DPYS: variants seen among roughly 807,000 people sequenced by gnomAD.
The protein encoded by DPYS is dihydropyrimidine amidohydrolase.
In DPYS, 39 loss-of-function variants were observed where a neutral mutation model predicts 50.3. The ratio of observed to expected loss-of-function variants is 0.78; its 90% CI spans 0.60 to 1.01. The LOEUF is 1.01. DPYS is among the 50% of genes least tolerant of loss of function. DPYS has a pLI of 0.00. For synonymous variants in DPYS, 245 were observed against 250.7 expected, an observed-to-expected ratio of 0.98 and a Z score of 0.22; for missense variants, 659 against 680.9, an observed-to-expected ratio of 0.97 and a Z score of 0.36.
At chr8:104,426,346 G>A (rs995745043) in intron 6 of DPYS, among the ~76,000 whole-genome samples, 1 of 152,126 alleles carries the variant, frequency 6.6e-6, no homozygotes, top group Non-Finnish European at 1.5e-5. Flanking sequence ...TAAAAGCATT[G>A]TCAGCTGTTC....
intron 8 of DPYS, among the ~76,000 whole-genome samples, chr8:104,388,331 T>C (rs1167394266): frequency 2.0e-5 from 3 of 152,074 alleles, no homozygotes; most frequent in Non-Finnish European, 4.4e-5. Context: ...TAAAATGCAA[T>C]GTGATCCTGA....
At chr8:104,435,224 C>T (rs371937323) in intron 4 of DPYS, among the ~76,000 whole-genome samples, 1 of 152,112 alleles carries the variant, frequency 6.6e-6, no homozygotes, top group African/African-American at 2.4e-5. Context: ...ATACATTCTT[C>T]GGACAAAAAC....
chr8:104,447,583 T>C, intron 2 of DPYS, 80 bp from the exon 3 acceptor site: 1 of 1,521,186 alleles, frequency 6.6e-7, no homozygotes. Context: ...AAACGTTGCA[T>C]TCGGAAGAGA....
At chr8:104,424,785 A>G (rs1812665863) in intron 6 of DPYS, among the ~76,000 whole-genome samples, 1 of 151,958 alleles carries the variant, frequency 6.6e-6, no homozygotes, top group Admixed American at 6.6e-5. Flanking sequence ...AATCATGTAG[A>G]CATTAGATAG....
chr8:104,383,601 G>A (rs1811124746), intron 8 of DPYS, among the ~76,000 whole-genome samples: 2 of 74,416 alleles, frequency 2.7e-5, no homozygotes, highest in Admixed American at 1.4e-4. Context: ...TCTCCAGGCT[G>A]TACTTTTTTT....
rs148786875 is a variant in DPYS, at chr8:104,379,602, C to T, written c.*256G>A. ...AAGCAAAGATGACATTTTAAAGTAT[C>T]ATCAATGAATTTCCACACAGCCTTT... On this transcript the variant is annotated 3_prime_UTR_variant, in exon 10 of 10. Coordinates refer to ENST00000351513, the MANE Select transcript of DPYS (RefSeq NM_001385.3). 1 of 184,876 alleles carries T rather than the reference C, an allele frequency of 5.4e-6. No individual in the cohort carries two copies. The highest frequency in any genetic ancestry group is 2.4e-5 in the African/African-American group (1 of 42,522). The allele number at this position is 184,876 out of a possible 1,614,324, so 11.5% of individuals were successfully genotyped here.
At chr8:104,391,702 G>A (rs964804208) in intron 8 of DPYS, among the ~76,000 whole-genome samples, 1 of 152,122 alleles carries the variant, frequency 6.6e-6, no homozygotes. Context: ...AGAGACAAAA[G>A]TGACATTTAT....
chr8:104,406,051 T>G (rs1377835244), intron 7 of DPYS, among the ~76,000 whole-genome samples: 1 of 152,052 alleles, frequency 6.6e-6, no homozygotes, highest in Non-Finnish European at 1.5e-5. Flanking sequence ...GTGAAGTAAC[T>G]CCCCCTGGGT....
intron 7 of DPYS, among the ~76,000 whole-genome samples, chr8:104,407,668 G>A (rs909343631): frequency 1.3e-5 from 2 of 152,162 alleles, no homozygotes; most frequent in Non-Finnish European, 2.9e-5. Flanking sequence ...AGAAAACAAC[G>A]TTTGCCATAT....
intron 4 of DPYS, among the ~76,000 whole-genome samples, chr8:104,440,715 C>T (rs777802580): frequency 3.6e-4 from 55 of 151,466 alleles, no homozygotes; most frequent in African/African-American, 4.6e-4. Flanking sequence ...GCCAAGATCG[C>T]GACACTGCAC....
chr8:104,456,854 G>A (rs1813944000), intron 1 of DPYS, among the ~76,000 whole-genome samples: 1 of 152,180 alleles, frequency 6.6e-6, no homozygotes, highest in African/African-American at 2.4e-5. Flanking sequence ...GCTTCCAGAA[G>A]AAATGCAGTG....
In DPYS at chr8:104,447,353, G is replaced by A. The variant is rs1435584205; in HGVS notation, c.574C>T (p.His192Tyr). The change falls in exon 3 of 10, where the codon CAT becomes TAT. Residue 192 changes from histidine (H) to tyrosine (Y), a missense_variant. His to Tyr is a moderately conservative substitution (Grantham distance 83). Transcript: ENST00000351513. ...CKEIGAIAQV[H>Y]AENGDLIAEG... ...GCAATTAAGTCTCCATTTTCCGCAT[G>A]GACCTGGGCAATTGCTCCAATTTCC... 1.9e-6 allele frequency: 3 copies of A among 1,613,944 alleles called. No individual in the cohort carries two copies. Among genetic ancestry groups the A allele is most frequent in the Non-Finnish European group, 2.5e-6 (3 of 1,180,024 alleles).
At chr8:104,407,647 A>T (rs961828194) in intron 7 of DPYS, among the ~76,000 whole-genome samples, 2 of 152,236 alleles carry the variant, frequency 1.3e-5, no homozygotes, top group African/African-American at 4.8e-5. Context: ...CAAATGAGGC[A>T]TGAGAGGAGA....
chr8:104,392,410 A>G (rs1811419085), intron 8 of DPYS, among the ~76,000 whole-genome samples: 1 of 152,082 alleles, frequency 6.6e-6, no homozygotes, highest in Admixed American at 6.5e-5. Context: ...GGGCTCTCCC[A>G]ATCTTTTCCA....
chr8:104,461,161 C>T (rs1261477912), intron 1 of DPYS, among the ~76,000 whole-genome samples: 2 of 149,978 alleles, frequency 1.3e-5, no homozygotes, highest in Admixed American at 6.6e-5. Flanking sequence ...GGCATGGTGG[C>T]GTGCACCTGC....
At position 104,461,868 on chromosome 8, in the gene DPYS, G is replaced by A. The variant is rs115916393; in HGVS notation, c.264+4789C>T. On this transcript the variant is annotated intron_variant, in intron 1 of 9. Coordinates refer to ENST00000351513, the MANE Select transcript of DPYS (RefSeq NM_001385.3). ...CATTCTCCAGTGGTATTTAAGGACA[G>A]GGGGAAATGTTTAATAAACAAGGCT... Among the ~76,000 whole-genome samples, 736 of 152,244 alleles carry A rather than the reference G, an allele frequency of 4.8e-3. 5 individuals carry two copies. The highest frequency in any genetic ancestry group is 0.017 in the African/African-American group (720 of 41,522).
Position 104,466,949 on chromosome 8 carries a change from C to T in DPYS, c.-29G>A, listed in dbSNP as rs1331313794. ...GAGGGGCGCGCGGGGTCCTACTCGG[C>T]CCGGGCTGCGCGCAGGGGCTGGGTT... is the stretch of plus-strand genomic sequence containing the variant. On this transcript the variant is annotated 5_prime_UTR_variant, in exon 1 of 10. Coordinates refer to ENST00000351513, the MANE Select transcript of DPYS (RefSeq NM_001385.3). 2 of 1,415,000 alleles carry T rather than the reference C, an allele frequency of 1.4e-6. No individual in the cohort carries two copies. Among genetic ancestry groups the T allele is most frequent in the Admixed American group, 5.9e-5 (2 of 33,818 alleles). The allele number at this position is 1,415,000 out of a possible 1,614,324, so 87.7% of individuals were successfully genotyped here. A position where few individuals can be genotyped will look rare whatever the true frequency, so the allele number is the denominator to read the frequency against.
At position 104,444,238 on chromosome 8, in the gene DPYS, C is replaced by T. The variant is rs200495434; in HGVS notation, c.793+10G>A. On this transcript the variant is annotated intron_variant, in intron 4 of 9. Transcript: ENST00000351513. The stretch of plus-strand genomic sequence containing the variant: ...ACTGAGTTCTAAGTGAGGTTACATT[C>T]GAGAATTACCATCTCTCCTTGCATC... 7.4e-6 allele frequency: 12 copies of T among 1,613,946 alleles called. No homozygotes were observed. The highest frequency in any genetic ancestry group is 3.3e-5 in the South Asian group (3 of 91,066).
intron 7 of DPYS, among the ~76,000 whole-genome samples, chr8:104,421,983 T>G (rs1001869876): frequency 2.0e-5 from 3 of 152,162 alleles, no homozygotes; most frequent in African/African-American, 7.2e-5. Flanking sequence ...CAATATGTGG[T>G]AAATAAAGCA....
Sources: allele counts gnomAD v4.1 joint callset (sites outside exome capture counted in the v4.1 genomes callset), GRCh38; gene constraint gnomAD v4.1.1; transcripts MANE v1.5; gene names NCBI Gene and HGNC (gene_info 2026-07-23, HGNC 2026-07-21).